The following ARB2A variants were observed in gnomAD, a reference collection of about 807,000 sequenced individuals.
The protein encoded by ARB2A is ARB2 cotranscriptional regulator A, also known as cotranscriptional regulator ARB2A.
At chr5:93,865,681 C>T in the ARB2A span, 15 of 985,198 alleles carry the variant, frequency 1.5e-5, no homozygotes, top group Non-Finnish European at 1.7e-5. Flanking sequence ...TAAAGATCTA[C>T]CTCTTCTTAA....
At chr5:93,678,629 G>A in the ARB2A span, among the ~76,000 whole-genome samples, 5 of 152,026 alleles carry the variant, frequency 3.3e-5, no homozygotes, top group African/African-American at 7.2e-5. Flanking sequence ...GGTGGCAGGC[G>A]CCTGTAATCC....
chr5:93,840,380 TA>T, the ARB2A span, among the ~76,000 whole-genome samples: 78 of 152,308 alleles, frequency 5.1e-4, no homozygotes, highest in Admixed American at 4.3e-3. Flanking sequence ...GAACCATATT[TA>T]AATATTTGAA....
chr5:93,972,707 A>C, the ARB2A span, among the ~76,000 whole-genome samples: 1 of 152,190 alleles, frequency 6.6e-6, no homozygotes. Flanking sequence ...GAAATCAGAA[A>C]AACAATTCAG....
chr5:93,786,840 A>C, the ARB2A span, among the ~76,000 whole-genome samples: 1 of 152,196 alleles, frequency 6.6e-6, no homozygotes, highest in Non-Finnish European at 1.5e-5. Flanking sequence ...AGGGAGACAG[A>C]ATCAGGTTTG....
At chr5:94,058,551 AT>A in the ARB2A span, among the ~76,000 whole-genome samples, 355 of 152,332 alleles carry the variant, frequency 2.3e-3, 1 homozygote, top group Non-Finnish European at 2.0e-3. Flanking sequence ...ACATAAAAAA[AT>A]TCTATCTAAA....
chr5:93,951,811 T>G, the ARB2A span, among the ~76,000 whole-genome samples: 1 of 152,102 alleles, frequency 6.6e-6, no homozygotes, highest in Non-Finnish European at 1.5e-5. Flanking sequence ...AAATATCTCA[T>G]GTACCCCATA....
At chr5:93,684,935 C>T in the ARB2A span, among the ~76,000 whole-genome samples, 2 of 152,118 alleles carry the variant, frequency 1.3e-5, no homozygotes, top group Admixed American at 6.6e-5. Flanking sequence ...TATTGCTGTA[C>T]GTTGAAGTGT....
the ARB2A span, among the ~76,000 whole-genome samples, chr5:93,761,463 C>T: frequency 1.3e-5 from 2 of 152,198 alleles, no homozygotes; most frequent in Non-Finnish European, 2.9e-5. Flanking sequence ...TCATTGCTAG[C>T]ACAGCAGTCT....
chr5:93,716,060 C>T, the ARB2A span, among the ~76,000 whole-genome samples: 9 of 152,146 alleles, frequency 5.9e-5, no homozygotes, highest in Non-Finnish European at 1.2e-4. Context: ...CATCATTTCT[C>T]CATCTCTACT....
At chr5:94,084,623 T>C in the ARB2A span, among the ~76,000 whole-genome samples, 1 of 152,182 alleles carries the variant, frequency 6.6e-6, no homozygotes, top group Non-Finnish European at 1.5e-5. Context: ...AAGAATTGCC[T>C]TGCCAGGTTT....
the ARB2A span, among the ~76,000 whole-genome samples, chr5:93,729,531 T>C: frequency 2.6e-5 from 4 of 152,100 alleles, no homozygotes; most frequent in East Asian, 3.8e-4. Flanking sequence ...ATTTTGCTTG[T>C]TGTGTCCTGG....
the ARB2A span, chr5:93,620,927 C>T: frequency 6.3e-7 from 1 of 1,581,886 alleles, no homozygotes; most frequent in Non-Finnish European, 8.6e-7. Context: ...TCGACACAAG[C>T]AGTGAGGAGG....
chr5:93,620,079 C>T, the ARB2A span: 1 of 152,066 alleles, frequency 6.6e-6, no homozygotes, highest in Non-Finnish European at 1.5e-5. Context: ...ATTTAAAAAG[C>T]AAAACTTAAG....
chr5:93,737,818 C>T, the ARB2A span: 1 of 400,688 alleles, frequency 2.5e-6, no homozygotes, highest in Non-Finnish European at 4.8e-6. Flanking sequence ...TTACCTCATA[C>T]CGTATACAAA....
the ARB2A span, among the ~76,000 whole-genome samples, chr5:93,857,565 C>A: frequency 6.6e-6 from 1 of 152,148 alleles, no homozygotes; most frequent in South Asian, 2.1e-4. Flanking sequence ...CAGCGAGACT[C>A]CATGGGCGTA....
chr5:94,060,310 C>T, the ARB2A span, among the ~76,000 whole-genome samples: 4 of 152,054 alleles, frequency 2.6e-5, no homozygotes. Context: ...CAAGATCACG[C>T]CACTGCACTC....
At chr5:93,864,443 T>C in the ARB2A span, among the ~76,000 whole-genome samples, 29 of 152,280 alleles carry the variant, frequency 1.9e-4, no homozygotes, top group African/African-American at 6.3e-4. Flanking sequence ...TAAGTATCAT[T>C]GATAAATACC....
the ARB2A span, among the ~76,000 whole-genome samples, chr5:93,728,106 A>G: frequency 1.3e-5 from 2 of 152,240 alleles, no homozygotes; most frequent in East Asian, 1.9e-4. Context: ...TTCACAAAAA[A>G]GTATAATTAA....
the ARB2A span, among the ~76,000 whole-genome samples, chr5:93,769,412 G>A: frequency 3.9e-5 from 6 of 152,104 alleles, no homozygotes; most frequent in African/African-American, 1.2e-4. Flanking sequence ...AAATTCCGGC[G>A]TTTCAAAGGT....
Sources: allele counts gnomAD v4.1 joint callset (sites outside exome capture counted in the v4.1 genomes callset), GRCh38; gene constraint gnomAD v4.1.1; transcripts MANE v1.5; gene names NCBI Gene and HGNC (gene_info 2026-07-23, HGNC 2026-07-21).